Variants in MYO1A observed in about 807,000 individuals in gnomAD.
MYO1A encodes the protein unconventional myosin-Ia.
In MYO1A, 127 loss-of-function variants were observed where a neutral mutation model predicts 138.5. The observed-to-expected ratio is 0.92, with a 90% CI of 0.79 to 1.06. The LOEUF (loss-of-function observed/expected upper bound fraction) is 1.06. MYO1A is among the 50% of genes least tolerant of loss of function. The pLI, the probability that MYO1A is intolerant of heterozygous loss-of-function variation, is 0.00. For synonymous variants in MYO1A, 477 were observed against 497.5 expected, an observed-to-expected ratio of 0.96 and a Z score of 0.55; for missense variants, 1,211 against 1,288.8, an observed-to-expected ratio of 0.94 and a Z score of 0.92.
chr12:57,038,971 G>A lies in MYO1A; in HGVS notation c.1371C>T (p.Cys457=). ...AGTCACTGACCACCCCAGGCCGCAG[G>A]CACTCCTCATCCAACATGGCCAGGA... ...RGILAMLDEE[C]LRPGVVSDST... is the part of the protein sequence containing the mutation. The change falls in exon 16 of 28, where the codon TGC becomes TGT. Residue 457 remains cysteine (C), a synonymous_variant. Transcript: ENST00000300119. 2.5e-6 allele frequency: 4 copies of A among 1,614,160 alleles called. No homozygotes were observed. Among genetic ancestry groups the A allele is most frequent in the Non-Finnish European group, 3.4e-6 (4 of 1,180,028 alleles).
intron 26 of MYO1A, 51 bp from the exon 27 acceptor site, chr12:57,029,310 G>A: frequency 6.2e-7 from 1 of 1,613,296 alleles, no homozygotes; most frequent in Non-Finnish European, 8.5e-7. Flanking sequence ...TTCTCTTCAG[G>A]AGCACCTGAG....
chr12:57,038,825 C>T lies in MYO1A; in HGVS notation c.1517G>A (p.Cys506Tyr). The T allele has an allele frequency of 2.5e-6, 4 of 1,614,192 alleles. No homozygotes were observed. Among genetic ancestry groups the T allele is most frequent in the Non-Finnish European group, 3.4e-6 (4 of 1,180,042 alleles). The change falls in exon 16 of 28, where the codon TGC becomes TAC. Residue 506 changes from cysteine (C) to tyrosine (Y), a missense_variant. Coordinates refer to ENST00000300119, the MANE Select transcript of MYO1A (RefSeq NM_005379.4). ...HTMGLSCFRI[C>Y]HYAGKVTYNV... ...CCATTTCACCTTGCCCGCATAGTGGCAGATGCGGAAGCAGCTGAGGCCCAT... is the reference window on the plus strand; with the variant it reads ...CCATTTCACCTTGCCCGCATAGTGGTAGATGCGGAAGCAGCTGAGGCCCAT...
intron 22 of MYO1A, among the ~76,000 whole-genome samples, chr12:57,032,588 C>A (rs1304072022): frequency 1.3e-5 from 2 of 152,088 alleles, no homozygotes; most frequent in Non-Finnish European, 2.9e-5. Flanking sequence ...GAGGTTGAGA[C>A]AGGAGAATCG....
rs1338848371 is a variant in MYO1A, at chr12:57,043,343, C to T, written c.908G>A (p.Gly303Glu). Residue 303 changes from glycine to glutamate, a missense_variant, in exon 11 of 28, where the codon GGG becomes GAG. Transcript: ENST00000300119. The part of the protein sequence containing the change: ...IRDGRGVREI[G>E]EMVGLNSEEV... Reference sequence around the variant, plus strand: ...TTCTGAATTCAAGCCCACCATCTCCCCAATCTCCCGAACACCTGGGATAAT... The same window carrying T: ...TTCTGAATTCAAGCCCACCATCTCCTCAATCTCCCGAACACCTGGGATAAT... 6.2e-7 allele frequency: 1 copy of T among 1,614,014 alleles called. No homozygotes were observed. Among genetic ancestry groups the T allele is most frequent in the African/African-American group, 1.3e-5 (1 of 74,908 alleles).
chr12:57,029,629 T>C lies in MYO1A; in HGVS notation c.2725-42A>G, dbSNP rs776703736. 2.3e-5 allele frequency: 37 copies of C among 1,613,984 alleles called. No individual in the cohort carries two copies. The South Asian group carries it at 2.5e-4, about 11-fold the overall frequency. ...CAAGGGTGAGGAAAGGCAGGATTAA[T>C]TGCCCCCACTCCACCTGGCAGGGCG... On this transcript the variant is annotated intron_variant, in intron 25 of 27. Coordinates refer to ENST00000300119, the MANE Select transcript of MYO1A (RefSeq NM_005379.4).
At chr12:57,030,168 T>C (rs766025393) in intron 24 of MYO1A, 42 bp downstream of exon 24, 1 of 1,530,498 alleles carries the variant, frequency 6.5e-7, no homozygotes, top group South Asian at 1.1e-5. Flanking sequence ...TGAGAACTGC[T>C]GCGTGATGGA....
In MYO1A at chr12:57,037,368, G is replaced by T. The variant is rs2030606792; in HGVS notation, c.2055+180C>A. On this transcript the variant is annotated intron_variant, in intron 19 of 27. Coordinates refer to ENST00000300119, the MANE Select transcript of MYO1A (RefSeq NM_005379.4). ...GCAGCACCAAGCTCCCCAGGCTCAG[G>T]GCAGTGTAGGAACCCAAGAGTTCAA... 3.9e-5 allele frequency among the ~76,000 whole-genome samples: 6 copies of T among 152,138 alleles called. No individual in the cohort carries two copies. In the South Asian group the frequency reaches 1.2e-3, roughly 32 times the overall value.
chr12:57,049,538 A>C (rs959604554), intron 1 of MYO1A, among the ~76,000 whole-genome samples: 1 of 152,218 alleles, frequency 6.6e-6, no homozygotes, highest in Non-Finnish European at 1.5e-5. Flanking sequence ...AAGCAATAAG[A>C]ATATCAATAA....
Position 57,029,520 on chromosome 12 carries a change from G to A in MYO1A, c.2792C>T (p.Ala931Val). ...ATTGTCTAGCCCAATGACAATTTTGGCCTGGGACTTCTTGGTGTCTGTGAG... is the reference window on the plus strand; with the variant it reads ...ATTGTCTAGCCCAATGACAATTTTGACCTGGGACTTCTTGGTGTCTGTGAG... ...VILTDTKKSQ[A>V]KIVIGLDNVA... Residue 931 changes from alanine (A) to valine (V), a missense_variant, in exon 26 of 28, where the codon GCC (alanine) becomes GTC (valine). Transcript: ENST00000300119. 2 of 1,614,198 alleles carry A rather than the reference G, an allele frequency of 1.2e-6. No homozygotes were observed. The highest frequency in any genetic ancestry group is 1.7e-6 in the Non-Finnish European group (2 of 1,180,034).
chr12:57,044,335 G>C lies in MYO1A; in HGVS notation c.641-126C>G. ...TATCCAAAGGAGTCATTTTTGTTTTGGGTTCTTCCCCTGCCTCCTTTGTTT... is the reference window on the plus strand; with the variant it reads ...TATCCAAAGGAGTCATTTTTGTTTTCGGTTCTTCCCCTGCCTCCTTTGTTT... On this transcript the variant is annotated intron_variant, in intron 8 of 27. Coordinates refer to ENST00000300119, the MANE Select transcript of MYO1A (RefSeq NM_005379.4). 6.5e-6 allele frequency: 5 copies of C among 773,794 alleles called. No homozygotes were observed. In the East Asian group the frequency reaches 1.3e-4, roughly 21 times the overall value. The allele number at this position is 773,794 out of a possible 1,614,324, so 47.9% of individuals were successfully genotyped here.
chr12:57,046,382 A>G (rs754748901), intron 8 of MYO1A, among the ~76,000 whole-genome samples, 170 bp downstream of exon 8: 9 of 152,154 alleles, frequency 5.9e-5, no homozygotes, highest in Non-Finnish European at 1.0e-4. Flanking sequence ...TTTGTTCCCA[A>G]CAATGAGTGG....
rs770001309 is a variant in MYO1A, at chr12:57,029,634, C to T, written c.2725-47G>A. On this transcript the variant is annotated intron_variant, in intron 25 of 27. Transcript: ENST00000300119. ...GTGAGGAAAGGCAGGATTAATTGCC[C>T]CCACTCCACCTGGCAGGGCGCAAAC... is the stretch of plus-strand genomic sequence containing the variant. 8 of 1,613,926 alleles carry T rather than the reference C, an allele frequency of 5.0e-6. No individual in the cohort carries two copies. In the African/African-American group the frequency reaches 9.3e-5, roughly 19 times the overall value.
In MYO1A at chr12:57,028,786, C is replaced by G. The variant is rs751097838; in HGVS notation, c.3101G>C (p.Gly1034Ala). Residue 1034 changes from glycine (G) to alanine (A), a missense_variant, in exon 28 of 28, where the codon GGG becomes GCG. Transcript: ENST00000300119. The stretch of plus-strand genomic sequence containing the variant: ...CACAGTCACCTCCAAGCAATGACTC[C>G]CCTTTTTTTTGTAGCGTAGCTTGCT... ...DNSKLRYKKK[G>A]SHCLEVTVQ The G allele has an allele frequency of 6.2e-7, 1 of 1,613,966 alleles. No individual in the cohort carries two copies. Among genetic ancestry groups the G allele is most frequent in the African/African-American group, 1.3e-5 (1 of 74,878 alleles).
intron 14 of MYO1A, among the ~76,000 whole-genome samples, chr12:57,039,881 T>C (rs2030780365): frequency 6.6e-6 from 1 of 152,246 alleles, no homozygotes; most frequent in East Asian, 1.9e-4. Flanking sequence ...TTGATACTGC[T>C]GGTCCAGGAC....
Position 57,047,408 on chromosome 12 carries a change from CTG to C in MYO1A, c.326-3_326-2del, listed in dbSNP as rs905045989. The stretch of plus-strand genomic sequence containing the variant: ...TAAGACATCACCAGCTTGCTGGCCT[CTG>C]TGCAGGCAAAACGCTCTCATGGGTC... On this transcript the variant is annotated splice_acceptor_variant and splice_polypyrimidine_tract_variant and intron_variant, in intron 4 of 27. Coordinates refer to ENST00000300119, the MANE Select transcript of MYO1A (RefSeq NM_005379.4). LOFTEE classifies it high-confidence loss of function. 1 of 1,614,058 alleles carries C rather than the reference CTG, an allele frequency of 6.2e-7. No individual in the cohort carries two copies. The highest frequency in any genetic ancestry group is 1.3e-5 in the African/African-American group (1 of 75,032).
In MYO1A at chr12:57,047,414, A is replaced by G; in HGVS notation, c.326-7T>C. 1 of 1,613,714 alleles carries G rather than the reference A, an allele frequency of 6.2e-7. No individual in the cohort carries two copies. Among genetic ancestry groups the G allele is most frequent in the Non-Finnish European group, 8.5e-7 (1 of 1,179,638 alleles). On this transcript the variant is annotated splice_polypyrimidine_tract_variant and splice_region_variant and intron_variant, in intron 4 of 27. Transcript: ENST00000300119. ...ATCACCAGCTTGCTGGCCTCTGTGC[A>G]GGCAAAACGCTCTCATGGGTCCCCA...
chr12:57,047,474 T>G lies in MYO1A; in HGVS notation c.326-67A>C, dbSNP rs1029054267. ...AGCCCATCCCCCCACCTCCTTAACT[T>G]GCTTCACCCCAGTGCCTCACCACCC... On this transcript the variant is annotated intron_variant, in intron 4 of 27. Transcript: ENST00000300119. The G allele has an allele frequency of 1.9e-6, 3 of 1,543,914 alleles. No individual in the cohort carries two copies. The African/African-American group carries it at 4.1e-5, about 21-fold the overall frequency.
chr12:57,036,700 G>T, intron 21 of MYO1A, 72 bp downstream of exon 21: 1 of 1,565,968 alleles, frequency 6.4e-7, no homozygotes, highest in African/African-American at 1.4e-5. Flanking sequence ...CTAGCTCTCT[G>T]CTGCTCTAGC....
chr12:57,031,364 G>A (rs1254866476), intron 22 of MYO1A, among the ~76,000 whole-genome samples, 190 bp from the exon 23 acceptor site: 2 of 152,188 alleles, frequency 1.3e-5, no homozygotes, highest in African/African-American at 4.8e-5. Flanking sequence ...CTTGAGGCCG[G>A]GAGGTAAGAG....
Sources: allele counts gnomAD v4.1 joint callset (sites outside exome capture counted in the v4.1 genomes callset), GRCh38; gene constraint gnomAD v4.1.1; transcripts MANE v1.5; gene names NCBI Gene and HGNC (gene_info 2026-07-23, HGNC 2026-07-21).